Variants in MIP observed in about 807,000 individuals in gnomAD.
The protein encoded by MIP is lens fiber major intrinsic protein.
Under a neutral mutation model 21.8 loss-of-function variants are expected in MIP, and 14 were observed. That is an observed-to-expected ratio of 0.64 (90% CI 0.42 to 1.00). MIP has a LOEUF of 1.00. MIP is among the 50% of genes least tolerant of loss of function. The probability of loss-of-function intolerance (pLI) is 0.00; values close to 1 mark genes in which losing one functional copy is unlikely to be tolerated. For missense variants in MIP, 260 were observed against 333.5 expected (o/e 0.78, Z 1.72); for synonymous variants, 133 against 141.4 (o/e 0.94, Z 0.42).
At chr12:56,454,749 T>C, upstream of MIP, 6 of 1,057,406 alleles carry the variant, frequency 5.7e-6, no homozygotes, top group South Asian at 1.6e-5. Context: ...CTTAACCCCT[T>C]CACAGCTGTG....
rs145765846 is a variant in MIP, at chr12:56,453,475, G to A, written c.525+116C>T. On this transcript the variant is annotated intron_variant, in intron 2 of 3. Coordinates refer to ENST00000652304, the MANE Select transcript of MIP (RefSeq NM_012064.4). ...TGATTCCTTTGTGCCAGTAGAGAGT[G>A]CAATGGACAATGTTCATGTTTGACA... 1.3e-3 allele frequency: 1,551 copies of A among 1,149,186 alleles called. 17 individuals carry two copies. The African/African-American group carries it at 0.02, about 15-fold the overall frequency. 71.2% of individuals were successfully genotyped at this position (1,149,186 alleles called of 1,614,324 possible).
At chr12:56,454,011 G>A (rs552448520) in intron 1 of MIP, among the ~76,000 whole-genome samples, 3 of 152,350 alleles carry the variant, frequency 2.0e-5, no homozygotes, top group African/African-American at 7.2e-5. Flanking sequence ...TTAAGAACCT[G>A]CAAGGAGTTG....
At position 56,451,278 on chromosome 12, in the gene MIP, T is replaced by G; in HGVS notation, c.*2A>C. On this transcript the variant is annotated 3_prime_UTR_variant, in exon 4 of 4. Coordinates refer to ENST00000652304, the MANE Select transcript of MIP (RefSeq NM_012064.4). The stretch of plus-strand genomic sequence containing the variant: ...TCTACTCCCTCTATTCAGCTGGAGC[T>G]TCTACAGGGCCTGGGTGTTCAGTTC... 1.2e-6 allele frequency: 2 copies of G among 1,613,250 alleles called. No homozygotes were observed. The highest frequency in any genetic ancestry group is 1.7e-6 in the Non-Finnish European group (2 of 1,179,912).
At position 56,451,309 on chromosome 12, in the gene MIP, G is replaced by A. The variant is rs376788799; in HGVS notation, c.763C>T (p.Pro255Ser). 6.2e-7 allele frequency: 1 copy of A among 1,613,868 alleles called. No homozygotes were observed. Among genetic ancestry groups the A allele is most frequent in the African/African-American group, 1.3e-5 (1 of 75,022 alleles). ...AGGGCCTGGGTGTTCAGTTCAACAG[G>A]TTCCCCTGTGACCTCTGGTTGTCCA... ...SNGQPEVTGE[P>S]VELNTQAL Residue 255 changes from proline (P) to serine (S), a missense_variant, in exon 4 of 4, where the codon CCT (proline) becomes TCT (serine). Transcript: ENST00000652304.
At chr12:56,453,192 G>A in intron 2 of MIP, 40 bp from the exon 3 acceptor site, 3 of 1,413,028 alleles carry the variant, frequency 2.1e-6, no homozygotes, top group Non-Finnish European at 3.0e-6. Context: ...CCCCCCTACT[G>A]CACCCCAGCT....
Position 56,451,359 on chromosome 12 carries a change from T to G in MIP, c.713A>C (p.Lys238Thr), listed in dbSNP as rs755752015. The G allele has an allele frequency of 1.7e-4, 271 of 1,614,006 alleles. No individual in the cohort carries two copies. The highest frequency in any genetic ancestry group is 2.3e-4 in the Non-Finnish European group (266 of 1,180,026). ...KSISERLSVL[K>T]GAKPDVSNGQ... The stretch of plus-strand genomic sequence containing the variant: ...ATTGGAGACATCGGGTTTGGCACCC[T>G]TGAGGACAGACAGTCTCTCAGAAAT... Residue 238 changes from lysine (K) to threonine (T), a missense_variant, in exon 4 of 4, where the codon AAG becomes ACG. By Grantham distance (78) the Lys-to-Thr change is moderately conservative. Coordinates refer to ENST00000652304, the MANE Select transcript of MIP (RefSeq NM_012064.4).
rs1868596342 is a variant in MIP, at chr12:56,451,158, C to T, written c.*122G>A. 1.3e-6 allele frequency: 1 copy of T among 758,646 alleles called. No individual in the cohort carries two copies. Among genetic ancestry groups the T allele is most frequent in the African/African-American group, 1.8e-5 (1 of 55,580 alleles). 47.0% of individuals were successfully genotyped at this position (758,646 alleles called of 1,614,324 possible). On this transcript the variant is annotated 3_prime_UTR_variant, in exon 4 of 4. Transcript: ENST00000652304. The stretch of plus-strand genomic sequence containing the variant: ...AAAAAAAAAAAAAAACAACCACATA[C>T]ATAAGTTAAAAAATAAAGAAGTACA...
upstream of MIP, chr12:56,454,772 C>T: frequency 1.3e-6 from 1 of 780,844 alleles, no homozygotes; most frequent in Non-Finnish European, 2.0e-6. Flanking sequence ...GGGCTAAGTC[C>T]CCTCCCCTAC....
At chr12:56,451,602 T>C in intron 3 of MIP, 137 bp from the exon 4 acceptor site, 1 of 700,696 alleles carries the variant, frequency 1.4e-6, no homozygotes, top group South Asian at 1.8e-5. Context: ...TATTTTCTGA[T>C]TCATCAAATT....
In MIP at chr12:56,454,649, TA is replaced by T; in HGVS notation, c.-37del. ...ATGGTCACAGTGCCTGGGTCCCTGC[TA>T]CCCCCATGGCCTTGTCTGGGTGGAC... On this transcript the variant is annotated 5_prime_UTR_variant, in exon 1 of 4. It removes the in-frame stop codon of an upstream open reading frame in the 5' UTR. Coordinates refer to ENST00000652304, the MANE Select transcript of MIP (RefSeq NM_012064.4). 6.2e-7 allele frequency: 1 copy of T among 1,612,600 alleles called. No individual in the cohort carries two copies. The highest frequency in any genetic ancestry group is 1.1e-5 in the South Asian group (1 of 90,934).
rs1373282052 is a variant in MIP at position 56,451,372 on chromosome 12, G to A, written c.700C>T (p.Leu234=). 4 of 1,614,002 alleles carry A rather than the reference G, an allele frequency of 2.5e-6. No homozygotes were observed. The African/African-American group carries it at 4.0e-5, about 16-fold the overall frequency. ...FPRLKSISER[L]SVLKGAKPDV... The stretch of plus-strand genomic sequence containing the variant: ...GGTTTGGCACCCTTGAGGACAGACA[G>A]TCTCTCAGAAATACTCTTGAGCCGG... The change falls in exon 4 of 4, where the codon CTG becomes TTG. Residue 234 remains leucine, a synonymous_variant. Transcript: ENST00000652304.
upstream of MIP, among the ~76,000 whole-genome samples, chr12:56,455,537 C>T (rs937517732): frequency 6.6e-6 from 1 of 152,174 alleles, no homozygotes; most frequent in Non-Finnish European, 1.5e-5. Flanking sequence ...TCCTTTAATA[C>T]AGCCATGATC....
chr12:56,454,385 C>T lies in MIP; in HGVS notation c.229G>A (p.Val77Met). The T allele has an allele frequency of 6.2e-7, 1 of 1,614,092 alleles. No homozygotes were observed. The highest frequency in any genetic ancestry group is 1.3e-5 in the African/African-American group (1 of 75,042). Residue 77 changes from valine to methionine, a missense_variant, in exon 1 of 4, where the codon GTG (valine) becomes ATG (methionine). Val to Met is a conservative substitution (Grantham distance 21). Coordinates refer to ENST00000652304, the MANE Select transcript of MIP (RefSeq NM_012064.4). ...CGGAGCAGGGACATCTGGGAGCCCA[C>T]AAGGAAAGCAAAAGTGACTGCAGGA... ...VNPAVTFAFL[V>M]GSQMSLLRAF...
chr12:56,451,356 C>G lies in MIP; in HGVS notation c.716G>C (p.Gly239Ala), dbSNP rs1868609760. ...SISERLSVLK[G>A]AKPDVSNGQP... ...TCCATTGGAGACATCGGGTTTGGCACCCTTGAGGACAGACAGTCTCTCAGA... is the reference window on the plus strand; with the variant it reads ...TCCATTGGAGACATCGGGTTTGGCAGCCTTGAGGACAGACAGTCTCTCAGA... The change falls in exon 4 of 4, where the codon GGT becomes GCT. Residue 239 changes from glycine to alanine, a missense_variant. By Grantham distance (60) the Gly-to-Ala change is moderately conservative. Transcript: ENST00000652304. 1 of 1,613,896 alleles carries G rather than the reference C, an allele frequency of 6.2e-7. No homozygotes were observed. Among genetic ancestry groups the G allele is most frequent in the Non-Finnish European group, 8.5e-7 (1 of 1,180,022 alleles).
intron 1 of MIP, 90 bp from the exon 2 acceptor site, chr12:56,453,845 C>A (rs1868703636): frequency 3.7e-6 from 5 of 1,338,972 alleles, no homozygotes; most frequent in Middle Eastern, 1.8e-4. Flanking sequence ...CTCGTTACGG[C>A]ATCAGGTCCG....
In MIP at chr12:56,451,231, C is replaced by G; in HGVS notation, c.*49G>C. The G allele has an allele frequency of 6.3e-7, 1 of 1,579,384 alleles. No homozygotes were observed. The highest frequency in any genetic ancestry group is 8.7e-7 in the Non-Finnish European group (1 of 1,150,162). On this transcript the variant is annotated 3_prime_UTR_variant, in exon 4 of 4. Coordinates refer to ENST00000652304, the MANE Select transcript of MIP (RefSeq NM_012064.4). Reference sequence around the variant, plus strand: ...CTTCATCTAGGGGCTGGCTAAACCCCTCCACGTAAACTCAGAAGCTTTCTA... The same window carrying G: ...CTTCATCTAGGGGCTGGCTAAACCCGTCCACGTAAACTCAGAAGCTTTCTA...
At chr12:56,454,730 G>T, upstream of MIP, 1 of 1,322,218 alleles carries the variant, frequency 7.6e-7, no homozygotes, top group Non-Finnish European at 1.1e-6. Context: ...GAGGTAGCAG[G>T]CCCAGCCTCT....
chr12:56,453,114 G>A lies in MIP; in HGVS notation c.564C>T (p.Ser188=), dbSNP rs1173621589. The change falls in exon 3 of 4, where the codon TCC becomes TCT. Residue 188 remains serine, a synonymous_variant. Coordinates refer to ENST00000652304, the MANE Select transcript of MIP (RefSeq NM_012064.4). ...YTGAGMNPAR[S]FAPAILTGNF... is the part of the protein sequence containing the mutation. ...TCCCAGTGAGAATGGCAGGAGCAAAGGAGCGGGCAGGATTCATGCCTGCAC... is the reference window on the plus strand; with the variant it reads ...TCCCAGTGAGAATGGCAGGAGCAAAAGAGCGGGCAGGATTCATGCCTGCAC... The A allele has an allele frequency of 4.3e-6, 7 of 1,613,884 alleles. No homozygotes were observed. In the South Asian group the frequency reaches 6.6e-5, roughly 15 times the overall value.
At chr12:56,455,970 T>C (rs74964330), upstream of MIP, among the ~76,000 whole-genome samples, 1,151 of 152,276 alleles carry the variant, frequency 7.6e-3, 8 homozygotes, top group Middle Eastern at 0.017. Flanking sequence ...AAGAGAGTTA[T>C]AGTGAAGGTA....
Sources: allele counts gnomAD v4.1 joint callset (sites outside exome capture counted in the v4.1 genomes callset), GRCh38; gene constraint gnomAD v4.1.1; transcripts MANE v1.5; gene names NCBI Gene and HGNC (gene_info 2026-07-23, HGNC 2026-07-21).